PDE4D: variants seen among roughly 807,000 people sequenced by gnomAD.
The protein encoded by PDE4D is 3',5'-cyclic-AMP phosphodiesterase 4D.
Under a neutral mutation model 87.4 loss-of-function variants are expected in PDE4D, and 24 were observed. The observed-to-expected ratio is 0.27, with a 90% CI of 0.20 to 0.39. The LOEUF is 0.39. Ranked by LOEUF, PDE4D falls within the 10% of genes least tolerant of loss-of-function variation. The pLI, the probability that PDE4D is intolerant of heterozygous loss-of-function variation, is 1.00. For missense variants in PDE4D, 714 were observed against 1,041.0 expected (o/e 0.69, Z 4.32); for synonymous variants, 384 against 383.2 (o/e 1.00, Z -0.02).
At chr5:59,907,022 A>G (rs1406976932) in intron 3 of PDE4D, among the ~76,000 whole-genome samples, 1 of 152,216 alleles carries the variant, frequency 6.6e-6, no homozygotes, top group Non-Finnish European at 1.5e-5. Flanking sequence ...AATGTGGTAC[A>G]TATACTCCAC....
intron 5 of PDE4D, among the ~76,000 whole-genome samples, chr5:59,058,161 C>G (rs1288345142): frequency 6.6e-6 from 1 of 152,170 alleles, no homozygotes; most frequent in East Asian, 1.9e-4. Flanking sequence ...GCATGAAACA[C>G]TTCCCCTGTT....
intron 1 of PDE4D, among the ~76,000 whole-genome samples, chr5:59,448,292 AC>A (rs1798635161): frequency 6.6e-6 from 1 of 152,092 alleles, no homozygotes. Context: ...TATTCCCTCA[AC>A]CACACTGATG....
In PDE4D at chr5:59,381,585, T is replaced by A. The variant is rs180948323; in HGVS notation, c.456-165617A>T. On this transcript the variant is annotated intron_variant, in intron 1 of 14. Transcript: ENST00000340635. ...ATCTCACACAATCACCTCTTTTATA[T>A]ACTAATGAAAGCACGGTGCACAATA... 6.0e-3 allele frequency among the ~76,000 whole-genome samples: 909 copies of A among 152,302 alleles called. 5 individuals carry two copies. Among genetic ancestry groups the A allele is most frequent in the Non-Finnish European group, 9.3e-3 (634 of 68,018 alleles).
At chr5:59,734,649 C>A (rs1273130599) in intron 1 of PDE4D, among the ~76,000 whole-genome samples, 1 of 151,944 alleles carries the variant, frequency 6.6e-6, no homozygotes, top group African/African-American at 2.4e-5. Flanking sequence ...TAAGATAACT[C>A]CATGTATTAA....
At chr5:59,862,418 A>C (rs2152728949) in intron 1 of PDE4D, among the ~76,000 whole-genome samples, 1 of 152,324 alleles carries the variant, frequency 6.6e-6, no homozygotes, top group Admixed American at 6.5e-5. Flanking sequence ...TCTAAGATAC[A>C]TATGTACAAA....
chr5:59,904,185 C>T (rs2152764617), intron 3 of PDE4D, among the ~76,000 whole-genome samples: 1 of 152,204 alleles, frequency 6.6e-6, no homozygotes, highest in South Asian at 2.1e-4. Context: ...CTATGCTTTA[C>T]CATGTGCATT....
intron 6 of PDE4D, among the ~76,000 whole-genome samples, chr5:59,004,136 T>TA (rs397837550): frequency 0.01 from 1,504 of 150,244 alleles, 24 homozygotes; most frequent in African/African-American, 0.034. Flanking sequence ...TACATAGATT[T>TA]AAAAAAAAAA....
At chr5:59,212,931 C>T (rs920822723) in intron 2 of PDE4D, among the ~76,000 whole-genome samples, 1 of 151,872 alleles carries the variant, frequency 6.6e-6, no homozygotes, top group African/African-American at 2.4e-5. Flanking sequence ...AAGCCTTTCC[C>T]TTTCTTCTCA....
intron 1 of PDE4D, among the ~76,000 whole-genome samples, chr5:59,765,036 C>A (rs1474862278): frequency 2.6e-5 from 4 of 152,118 alleles, no homozygotes; most frequent in African/African-American, 9.7e-5. Flanking sequence ...TATTAAGCTT[C>A]CACCATTGAC....
intron 1 of PDE4D, among the ~76,000 whole-genome samples, chr5:59,617,908 C>G (rs1829899425): frequency 6.6e-6 from 1 of 152,200 alleles, no homozygotes; most frequent in South Asian, 2.1e-4. Context: ...GTGCTTTTCA[C>G]TAAGTAGTGG....
intron 5 of PDE4D, among the ~76,000 whole-genome samples, chr5:59,127,807 G>C (rs1434425707): frequency 6.6e-6 from 1 of 151,830 alleles, no homozygotes; most frequent in East Asian, 1.9e-4. Context: ...ACAGTGCCTG[G>C]GCTCTCAGCA....
At chr5:59,329,785 T>G (rs1260011160) in intron 1 of PDE4D, among the ~76,000 whole-genome samples, 5 of 152,214 alleles carry the variant, frequency 3.3e-5, no homozygotes, top group Admixed American at 3.3e-4. Flanking sequence ...TCAAAAATAT[T>G]TATAGAATAA....
chr5:59,597,516 A>T (rs906840536), intron 1 of PDE4D, among the ~76,000 whole-genome samples: 1 of 151,788 alleles, frequency 6.6e-6, no homozygotes, highest in Non-Finnish European at 1.5e-5. Flanking sequence ...AGGAGAGGTG[A>T]GAGAGAGAGA....
chr5:59,031,409 T>G (rs1184255584), intron 6 of PDE4D, among the ~76,000 whole-genome samples: 2 of 99,226 alleles, frequency 2.0e-5, no homozygotes, highest in African/African-American at 7.4e-5. Flanking sequence ...TATATATATA[T>G]ATATATAGAT....
At chr5:60,185,591 C>T (rs1038593216) in exon 2 of PDE4D, 2 of 1,530,502 alleles carry the variant, frequency 1.3e-6, no homozygotes, top group Non-Finnish European at 1.8e-6. Flanking sequence ...ACAGGTATTT[C>T]TTTTCATCGT....
At chr5:59,626,899 CT>C (rs968166350) in intron 1 of PDE4D, among the ~76,000 whole-genome samples, 2 of 152,096 alleles carry the variant, frequency 1.3e-5, no homozygotes, top group Non-Finnish European at 2.9e-5. Context: ...TAATTTCTGT[CT>C]TTATTATGTC....
intron 1 of PDE4D, among the ~76,000 whole-genome samples, chr5:60,384,022 T>C (rs1298140498): frequency 1.3e-5 from 2 of 152,066 alleles, no homozygotes; most frequent in Admixed American, 1.3e-4. Flanking sequence ...AACTAAATAG[T>C]ATAAAGAAAA....
chr5:59,912,864 T>A lies in PDE4D; in HGVS notation c.272+75624A>T, dbSNP rs575803535. Reference sequence around the variant, plus strand: ...AAAAACAAACACTTCAGAAAGGAAATAGTGAGGCATGTTATTCTGAAAAAT... The same window carrying A: ...AAAAACAAACACTTCAGAAAGGAAAAAGTGAGGCATGTTATTCTGAAAAAT... On this transcript the variant is annotated intron_variant, in intron 3 of 16. Coordinates refer to the PDE4D transcript ENST00000502484. Among the ~76,000 whole-genome samples, 4 of 152,162 alleles carry A rather than the reference T, an allele frequency of 2.6e-5. No homozygotes were observed. The East Asian group carries it at 7.7e-4, about 29-fold the overall frequency.
At chr5:59,977,955 T>C (rs1392455292) in intron 3 of PDE4D, among the ~76,000 whole-genome samples, 2 of 152,190 alleles carry the variant, frequency 1.3e-5, no homozygotes, top group African/African-American at 4.8e-5. Flanking sequence ...AGTGTATCTG[T>C]TTACAGCATG....
Sources: gnomAD v4.1 joint callset for allele counts (sites outside exome capture counted in the v4.1 genomes callset) on GRCh38, gnomAD v4.1.1 for gene constraint, MANE v1.5 for transcripts, NCBI Gene and HGNC (gene_info 2026-07-23, HGNC 2026-07-21) for gene names.